Variants in TCAIM observed in about 807,000 individuals in gnomAD.
The protein encoded by TCAIM is T-cell activation inhibitor, mitochondrial.
TCAIM carries 36 observed loss-of-function variants against 58.6 expected under a neutral mutation model. The ratio of observed to expected loss-of-function variants is 0.61; its 90% CI spans 0.47 to 0.81. The LOEUF (loss-of-function observed/expected upper bound fraction) is 0.81, where lower values mean the gene tolerates loss of function less well. Ranked by LOEUF, TCAIM falls within the 30% of genes least tolerant of loss-of-function variation. The pLI, the probability that TCAIM is intolerant of heterozygous loss-of-function variation, is 0.00. For synonymous variants in TCAIM, 172 were observed against 193.6 expected (o/e 0.89, Z 0.93); for missense variants, 466 against 579.6 (o/e 0.80, Z 2.01).
chr3:44,382,565 G>A (rs751582470), intron 5 of TCAIM, among the ~76,000 whole-genome samples: 2 of 152,160 alleles, frequency 1.3e-5, no homozygotes, highest in African/African-American at 2.4e-5. Context: ...GAATGAAGTT[G>A]AACACTGACT....
At chr3:44,372,430 T>C (rs1463409954) in intron 5 of TCAIM, among the ~76,000 whole-genome samples, 2 of 152,204 alleles carry the variant, frequency 1.3e-5, no homozygotes, top group African/African-American at 2.4e-5. Flanking sequence ...ATGTATTGTT[T>C]AATTCATCTT....
intron 8 of TCAIM, among the ~76,000 whole-genome samples, chr3:44,399,393 A>T (rs1270338833): frequency 1.3e-5 from 2 of 152,246 alleles, no homozygotes; most frequent in Non-Finnish European, 2.9e-5. Flanking sequence ...AAAGTAGATT[A>T]TAAATAATTT....
At chr3:44,341,712 T>G (rs969968861) in intron 1 of TCAIM, among the ~76,000 whole-genome samples, 2 of 152,190 alleles carry the variant, frequency 1.3e-5, no homozygotes, top group Non-Finnish European at 2.9e-5. Flanking sequence ...CACTCTGACA[T>G]AATAATAGTT....
chr3:44,374,275 T>A (rs972661015), intron 5 of TCAIM, among the ~76,000 whole-genome samples: 1 of 144,752 alleles, frequency 6.9e-6, no homozygotes, highest in Non-Finnish European at 1.5e-5. Context: ...AAAGTTGTTT[T>A]GCTTTGCTTT....
intron 5 of TCAIM, among the ~76,000 whole-genome samples, chr3:44,368,671 G>T (rs887442482): frequency 6.6e-6 from 1 of 152,168 alleles, no homozygotes; most frequent in Non-Finnish European, 1.5e-5. Context: ...TGGAAATGTG[G>T]GTTTGGGAAT....
chr3:44,364,601 GCGTGGTGGCATGTGC>G (rs1403903058), intron 4 of TCAIM, among the ~76,000 whole-genome samples: 9 of 151,908 alleles, frequency 5.9e-5, no homozygotes, highest in African/African-American at 2.2e-4. Flanking sequence ...AATTAACCAG[GCGTGGTGGCATGTGC>G]CTGTAGTCCC....
At chr3:44,398,059 A>G (rs1575278720) in intron 8 of TCAIM, among the ~76,000 whole-genome samples, 1 of 152,200 alleles carries the variant, frequency 6.6e-6, no homozygotes, top group East Asian at 1.9e-4. Context: ...AGAAAAACCA[A>G]TCCAACCAAA....
intron 2 of TCAIM, 74 bp from the exon 3 acceptor site, chr3:44,357,667 T>C (rs1701221158): frequency 4.5e-6 from 7 of 1,563,446 alleles, no homozygotes; most frequent in Non-Finnish European, 6.1e-6. Flanking sequence ...TTTAGTTTTA[T>C]TGTCACTTAT....
At chr3:44,405,101 T>C (rs977143637) in intron 10 of TCAIM, among the ~76,000 whole-genome samples, 1 of 152,174 alleles carries the variant, frequency 6.6e-6, no homozygotes, top group Non-Finnish European at 1.5e-5. Flanking sequence ...ATTTGCTGCC[T>C]GTGGAACCCC....
At chr3:44,339,372 G>C (rs1272414584) in intron 1 of TCAIM, among the ~76,000 whole-genome samples, 4 of 152,162 alleles carry the variant, frequency 2.6e-5, no homozygotes, top group Non-Finnish European at 5.9e-5. Flanking sequence ...AATAAAAGTT[G>C]TGCCAAATGG....
chr3:44,372,011 AAGGAAGGAAGGAAG>A (rs1372193378), intron 5 of TCAIM, among the ~76,000 whole-genome samples: 3 of 16,396 alleles, frequency 1.8e-4, no homozygotes, highest in African/African-American at 3.5e-4. Context: ...AGAAAGAGAG[AAGGAAGGAAGGAAG>A]GAAGGAAGGA....
intron 1 of TCAIM, among the ~76,000 whole-genome samples, chr3:44,345,658 G>C (rs186446811): frequency 6.6e-6 from 1 of 152,268 alleles, no homozygotes; most frequent in African/African-American, 2.4e-5. Context: ...TTGATAGTGT[G>C]GTGGAGATAG....
intron 1 of TCAIM, among the ~76,000 whole-genome samples, chr3:44,344,132 C>T (rs1575232380): frequency 6.6e-6 from 1 of 151,622 alleles, no homozygotes; most frequent in Admixed American, 6.6e-5. Flanking sequence ...AGGCCTCAGC[C>T]TCCCAAGTAG....
chr3:44,387,180 G>A (rs1240410897), intron 5 of TCAIM, among the ~76,000 whole-genome samples: 1 of 152,188 alleles, frequency 6.6e-6, no homozygotes, highest in Non-Finnish European at 1.5e-5. Flanking sequence ...TATCCACTGT[G>A]TGTCTCCTCT....
intron 1 of TCAIM, among the ~76,000 whole-genome samples, chr3:44,345,217 A>G (rs1271672353): frequency 6.6e-6 from 1 of 152,086 alleles, no homozygotes; most frequent in Non-Finnish European, 1.5e-5. Context: ...AAGAGGTGAT[A>G]TTGTGGGGTT....
intron 5 of TCAIM, among the ~76,000 whole-genome samples, chr3:44,368,385 A>G (rs184592764): frequency 2.2e-4 from 33 of 152,340 alleles, no homozygotes; most frequent in African/African-American, 7.0e-4. Flanking sequence ...ATTATGGCAT[A>G]GTAAATGATC....
chr3:44,364,261 G>A (rs1187070588), intron 4 of TCAIM, among the ~76,000 whole-genome samples: 1 of 150,970 alleles, frequency 6.6e-6, no homozygotes, highest in African/African-American at 2.4e-5. Context: ...AAATGTAAAA[G>A]GTTACAGAAA....
intron 5 of TCAIM, among the ~76,000 whole-genome samples, chr3:44,382,335 A>G (rs1405669862): frequency 1.3e-5 from 2 of 152,220 alleles, no homozygotes; most frequent in Non-Finnish European, 2.9e-5. Flanking sequence ...AAGCAGAAGG[A>G]TTAGTTGAGT....
rs542135971 is a variant in TCAIM at position 44,354,954 on chromosome 3, A to G, written c.29+143A>G. ...GCTGGAACAAAAAGAAAGAAAATTT[A>G]TATGAGAAGACAGGTCCTCCAAGAG... On this transcript the variant is annotated intron_variant, in intron 2 of 10. Transcript: ENST00000342649. The G allele has an allele frequency of 2.5e-5, 24 of 941,932 alleles. 1 individual carries two copies. Among genetic ancestry groups the G allele is most frequent in the South Asian group, 1.3e-4 (7 of 55,748 alleles). The allele number at this position is 941,932 out of a possible 1,614,324, so 58.3% of individuals were successfully genotyped here.
Sources: gnomAD v4.1 joint callset for allele counts (sites outside exome capture counted in the v4.1 genomes callset) on GRCh38, gnomAD v4.1.1 for gene constraint, MANE v1.5 for transcripts, NCBI Gene and HGNC (gene_info 2026-07-23, HGNC 2026-07-21) for gene names.